Variants in ACOT11 observed in about 807,000 individuals in gnomAD.
ACOT11 encodes the protein acyl-CoA thioesterase 11.
In ACOT11, 69 loss-of-function variants were observed where a neutral mutation model predicts 77.5. That is an observed-to-expected ratio of 0.89 (90% CI 0.73 to 1.09). ACOT11 has a LOEUF of 1.09. ACOT11 is among the 50% of genes least tolerant of loss of function. The pLI is 0.00. For synonymous variants in ACOT11, 279 were observed against 313.0 expected, an observed-to-expected ratio of 0.89 and a Z score of 1.15; for missense variants, 766 against 813.7, an observed-to-expected ratio of 0.94 and a Z score of 0.71.
At chr1:54,629,539 G>A (rs1644289338) in intron 15 of ACOT11, among the ~76,000 whole-genome samples, 1 of 133,400 alleles carries the variant, frequency 7.5e-6, no homozygotes, top group South Asian at 2.5e-4. Context: ...GCCTGCCTCA[G>A]CCTCCTAAAG....
At chr1:54,634,746 A>C (rs1644321547) in exon 17 of ACOT11, 1 of 702,436 alleles carries the variant, frequency 1.4e-6, no homozygotes, top group African/African-American at 1.7e-5. Context: ...ATCATGAGCC[A>C]GATGCCAAGG....
intron 1 of ACOT11, among the ~76,000 whole-genome samples, chr1:54,566,195 A>C (rs1240490404): frequency 6.6e-6 from 1 of 151,976 alleles, no homozygotes; most frequent in African/African-American, 2.4e-5. Context: ...GGTGGCTCAC[A>C]CCTGTAATCC....
intron 15 of ACOT11, among the ~76,000 whole-genome samples, chr1:54,622,753 TAACGGGACTTTCTGCTGGGGAAGTC>T (rs946177154): frequency 1.9e-4 from 28 of 147,602 alleles, no homozygotes; most frequent in East Asian, 8.2e-4. Context: ...AAAAAATAGT[TAACGGGACTTTCTGCTGGGGAAGTC>T]AACGGGACTT....
intron 1 of ACOT11, among the ~76,000 whole-genome samples, chr1:54,576,651 G>A (rs1176180168): frequency 6.6e-6 from 1 of 152,114 alleles, no homozygotes; most frequent in African/African-American, 2.4e-5. Flanking sequence ...AAGAAAGTGG[G>A]CTATAGGGCA....
downstream of ACOT11, among the ~76,000 whole-genome samples, chr1:54,613,216 C>T (rs1046382571): frequency 1.3e-5 from 2 of 151,994 alleles, no homozygotes; most frequent in Middle Eastern, 3.4e-3. Flanking sequence ...CCTGTCTCTA[C>T]TAAAAATACA....
chr1:54,617,022 GCC>G (rs1201057806), intron 15 of ACOT11, among the ~76,000 whole-genome samples: 1 of 152,168 alleles, frequency 6.6e-6, no homozygotes. Flanking sequence ...CATTTTTAAA[GCC>G]CATGTTATCA....
rs187743547 is a variant in ACOT11 at position 54,559,710 on chromosome 1, C to T, written c.33+11368C>T. Among the ~76,000 whole-genome samples, 8 of 152,008 alleles carry T rather than the reference C, an allele frequency of 5.3e-5. No individual in the cohort carries two copies. In the East Asian group the frequency reaches 1.2e-3, roughly 22 times the overall value. On this transcript the variant is annotated intron_variant, in intron 1 of 15. Coordinates refer to ENST00000343744, the MANE Select transcript of ACOT11 (RefSeq NM_147161.4). ...TTTCTGTTGAGGACCTACTAAGTGT[C>T]GGGCATATTTAAACTTCCCAACAGC...
chr1:54,560,985 A>C (rs1266888906), intron 1 of ACOT11, among the ~76,000 whole-genome samples: 1 of 151,922 alleles, frequency 6.6e-6, no homozygotes, highest in Non-Finnish European at 1.5e-5. Flanking sequence ...GGCCTCCCAA[A>C]GTGCTGGGAT....
chr1:54,617,114 G>A (rs767186648), intron 15 of ACOT11, among the ~76,000 whole-genome samples: 13 of 152,340 alleles, frequency 8.5e-5, no homozygotes, highest in Non-Finnish European at 1.9e-4. Context: ...CTGACACTGA[G>A]TTATCTTTTA....
At position 54,628,605 on chromosome 1, in the gene ACOT11, C is replaced by CCA. The variant is rs1553166822; in HGVS notation, c.1630-2129_1630-2128insCA. On this transcript the variant is annotated intron_variant, in intron 15 of 16. Coordinates refer to the ACOT11 transcript ENST00000371316. ...GCAAGACCCCATCGCCCCCCCCCCC[C>CCA]AAAAAAGGAAAAAAGAAACCCATTT... Among the ~76,000 whole-genome samples, 8 of 112,562 alleles carry CCA rather than the reference C, an allele frequency of 7.1e-5. 2 individuals carry two copies. Among genetic ancestry groups the CCA allele is most frequent in the South Asian group, 6.3e-4 (2 of 3,188 alleles). 73.8% of individuals were successfully genotyped at this position (112,562 alleles called of 152,430 possible).
chr1:54,570,607 G>A (rs563294017), intron 1 of ACOT11, among the ~76,000 whole-genome samples: 1 of 152,146 alleles, frequency 6.6e-6, no homozygotes, highest in South Asian at 2.1e-4. Flanking sequence ...CCACCTCCTG[G>A]GTTCAAGCGA....
chr1:54,599,994 T>C (rs1643943763), intron 8 of ACOT11, among the ~76,000 whole-genome samples: 1 of 152,224 alleles, frequency 6.6e-6, no homozygotes, highest in African/African-American at 2.4e-5. Context: ...TCTGTGACCT[T>C]AGAAGTAACT....
chr1:54,626,212 G>C (rs1052403643), intron 15 of ACOT11, among the ~76,000 whole-genome samples: 2 of 152,080 alleles, frequency 1.3e-5, no homozygotes, highest in Admixed American at 1.3e-4. Flanking sequence ...GGAGGTTGCA[G>C]TGAGCCGAGA....
chr1:54,575,919 A>G (rs968991434), intron 1 of ACOT11, among the ~76,000 whole-genome samples: 1 of 152,194 alleles, frequency 6.6e-6, no homozygotes, highest in Non-Finnish European at 1.5e-5. Flanking sequence ...ATGGTGCTAT[A>G]TAGGACCACA....
chr1:54,587,071 AT>A (rs1432752031), intron 3 of ACOT11, among the ~76,000 whole-genome samples: 1 of 152,170 alleles, frequency 6.6e-6, no homozygotes, highest in Non-Finnish European at 1.5e-5. Flanking sequence ...CACACTTAAT[AT>A]TAGATGAGCA....
chr1:54,568,523 C>T (rs1199364429), intron 1 of ACOT11, among the ~76,000 whole-genome samples: 1 of 151,866 alleles, frequency 6.6e-6, no homozygotes, highest in African/African-American at 2.4e-5. Context: ...CACCATCACG[C>T]CTGGCTAATT....
intron 12 of ACOT11, among the ~76,000 whole-genome samples, chr1:54,604,643 C>T (rs548810628): frequency 6.6e-6 from 1 of 152,196 alleles, no homozygotes; most frequent in Non-Finnish European, 1.5e-5. Context: ...GCCTGCCCCC[C>T]TTCCTGTTCT....
chr1:54,591,664 C>G (rs1462397875), intron 3 of ACOT11, among the ~76,000 whole-genome samples: 1 of 152,220 alleles, frequency 6.6e-6, no homozygotes, highest in Non-Finnish European at 1.5e-5. Flanking sequence ...ACCCTCTGCC[C>G]CCTCCATTAG....
At chr1:54,549,645 A>C (rs1302358110) in intron 1 of ACOT11, among the ~76,000 whole-genome samples, 1 of 152,242 alleles carries the variant, frequency 6.6e-6, no homozygotes, top group Non-Finnish European at 1.5e-5. Context: ...AGACTGGCAC[A>C]TACATCCCTC....
Sources: allele counts gnomAD v4.1 joint callset (sites outside exome capture counted in the v4.1 genomes callset), GRCh38; gene constraint gnomAD v4.1.1; transcripts MANE v1.5; gene names NCBI Gene and HGNC (gene_info 2026-07-23, HGNC 2026-07-21).